The following SCN3A variants were observed in gnomAD, a reference collection of about 807,000 sequenced individuals.
The protein encoded by SCN3A is sodium voltage-gated channel alpha subunit 3, also known as sodium channel protein type 3 subunit alpha.
A neutral mutation model predicts 187.6 loss-of-function variants in SCN3A; 60 were observed. The observed-to-expected ratio is 0.32, with a 90% CI of 0.26 to 0.40. The LOEUF is 0.40. Among genes scored for constraint, SCN3A ranks in the 10% least tolerant of loss-of-function variants. SCN3A has a pLI of 1.00. For synonymous variants in SCN3A, 788 were observed against 829.2 expected (o/e 0.95, Z 0.85); for missense variants, 1,601 against 2,428.2 (o/e 0.66, Z 7.16).
Position 165,090,268 on chromosome 2 carries a change from G to C in SCN3A, c.5885C>G (p.Ser1962Cys). ...ATAGGAAGGAGGAGAGGTGGTAGAGGAACTCCCATCTGTTTTTTCTGGAGT... is the reference window on the plus strand; with the variant it reads ...ATAGGAAGGAGGAGAGGTGGTAGAGCAACTCCCATCTGTTTTTTCTGGAGT... ...NSTPEKTDGSSSTTSPPSYDS... is the reference protein window; with the variant it reads ...NSTPEKTDGSCSTTSPPSYDS... The change falls in exon 28 of 28, where the codon TCC becomes TGC. Residue 1962 changes from serine to cysteine, a missense_variant. Around this residue, in one of 11 missense-constraint regions of SCN3A, gnomAD observed 87 missense variants for 89.2 expected, o/e 0.98. Transcript: ENST00000283254. This position sits in a 1 kb window ranked among gnomAD's most constrained non-coding sequence, Gnocchi z 4.0. 1 of 1,612,278 alleles carries C rather than the reference G, an allele frequency of 6.2e-7. No homozygotes were observed. The highest frequency in any genetic ancestry group is 8.5e-7 in the Non-Finnish European group (1 of 1,178,940).
At chr2:165,145,815 G>A (rs1309095068) in intron 12 of SCN3A, among the ~76,000 whole-genome samples, 1 of 151,924 alleles carries the variant, frequency 6.6e-6, no homozygotes, top group Non-Finnish European at 1.5e-5. Flanking sequence ...ACTCAAGATT[G>A]TTATGATTAG....
chr2:165,181,781 C>T (rs1373468581), intron 2 of SCN3A, among the ~76,000 whole-genome samples: 1 of 152,192 alleles, frequency 6.6e-6, no homozygotes, highest in Non-Finnish European at 1.5e-5. Flanking sequence ...CAGCTCCTGA[C>T]TCAATCACAC....
At chr2:165,166,282 G>A (rs537450196) in intron 5 of SCN3A, among the ~76,000 whole-genome samples, 1 of 152,304 alleles carries the variant, frequency 6.6e-6, no homozygotes, top group East Asian at 1.9e-4. Context: ...TACTGAGACA[G>A]AGCTCTACAC....
chr2:165,110,656 G>A (rs1286723428), intron 21 of SCN3A, among the ~76,000 whole-genome samples: 1 of 152,116 alleles, frequency 6.6e-6, no homozygotes, highest in African/African-American at 2.4e-5. Context: ...CTGAGGACAA[G>A]CTGTTATCTG....
chr2:165,148,245 C>T (rs1030094733), intron 11 of SCN3A, among the ~76,000 whole-genome samples: 55 of 151,608 alleles, frequency 3.6e-4, no homozygotes, highest in African/African-American at 1.3e-3. Context: ...TTAACCTTGA[C>T]TTTGATGCTT....
chr2:165,110,379 G>A (rs985267069), intron 21 of SCN3A, among the ~76,000 whole-genome samples: 2 of 152,184 alleles, frequency 1.3e-5, no homozygotes, highest in South Asian at 4.1e-4. Flanking sequence ...TTTAGACAGA[G>A]AATTGAAGAG....
intron 18 of SCN3A, among the ~76,000 whole-genome samples, chr2:165,120,038 C>T (rs1049265230): frequency 3.9e-5 from 6 of 152,070 alleles, no homozygotes; most frequent in African/African-American, 9.7e-5. Context: ...CTTGTAGAAA[C>T]GAGTGGGTCT....
At chr2:165,178,729 T>C (rs965806432) in intron 2 of SCN3A, among the ~76,000 whole-genome samples, 17 of 152,316 alleles carry the variant, frequency 1.1e-4, no homozygotes, top group Non-Finnish European at 4.4e-5. Flanking sequence ...CAGCACATTT[T>C]TTTTTCTCCA....
At chr2:165,178,058 C>T (rs1267247313) in intron 2 of SCN3A, among the ~76,000 whole-genome samples, 1 of 152,020 alleles carries the variant, frequency 6.6e-6, no homozygotes, top group African/African-American at 2.4e-5. Context: ...TGGCAGCTCA[C>T]TACATATATT....
At position 165,090,629 on chromosome 2, in the gene SCN3A, C is replaced by T; in HGVS notation, c.5524G>A (p.Val1842Ile). ...AGACAGTGGATCCGGTCACCACTGA[C>T]CATGGGCAGATCCATGGCAATAAGC... ...VQLIAMDLPM[V>I]SGDRIHCLDI... The change falls in exon 28 of 28, where the codon GTC becomes ATC. Residue 1842 changes from valine (V) to isoleucine (I), a missense_variant. By Grantham distance (29) the Val-to-Ile change is conservative (BLOSUM62 3). This residue lies in a region of SCN3A where 110 missense variants were observed against 175.9 expected (regional missense o/e 0.63). Transcript: ENST00000283254. The surrounding 1 kb of genome is among the most constrained non-coding windows in gnomAD (Gnocchi z 4.0). The T allele has an allele frequency of 6.2e-7, 1 of 1,614,090 alleles. No individual in the cohort carries two copies. The highest frequency in any genetic ancestry group is 8.5e-7 in the Non-Finnish European group (1 of 1,180,010).
intron 15 of SCN3A, among the ~76,000 whole-genome samples, chr2:165,136,498 T>G (rs1444589530): frequency 6.6e-6 from 1 of 152,182 alleles, no homozygotes; most frequent in Non-Finnish European, 1.5e-5. Flanking sequence ...ACGAAGGGTA[T>G]TATTACACTC....
chr2:165,092,320 T>C lies in SCN3A; in HGVS notation c.4741A>G (p.Arg1581Gly), dbSNP rs1383756826. Residue 1581 changes from arginine (R) to glycine (G), a missense_variant, in exon 27 of 28, where the codon AGA becomes GGA. Physicochemically the swap from Arg to Gly is moderately radical, Grantham distance 125. Coordinates refer to ENST00000283254, the MANE Select transcript of SCN3A (RefSeq NM_006922.4). This position sits in a 1 kb window ranked among gnomAD's most constrained non-coding sequence, Gnocchi z 4.2. ...GEFVLKLVSL[R>G]HYYFTIGWNI... ...CAGCCTATAGTGAAGTAGTAGTGTC[T>C]GAGGGAGACGAGCTTCAGCACAAAT... The C allele has an allele frequency of 6.2e-7, 1 of 1,613,988 alleles. No individual in the cohort carries two copies. The highest frequency in any genetic ancestry group is 1.1e-5 in the South Asian group (1 of 91,076).
At chr2:165,101,611 A>T (rs1553518753) in intron 21 of SCN3A, among the ~76,000 whole-genome samples, 2 of 152,192 alleles carry the variant, frequency 1.3e-5, no homozygotes, top group Non-Finnish European at 2.9e-5. Flanking sequence ...CCATCTTCTC[A>T]GTTCTTTCAA....
intron 19 of SCN3A, among the ~76,000 whole-genome samples, chr2:165,114,354 C>T (rs1032095361): frequency 2.0e-5 from 3 of 152,158 alleles, no homozygotes; most frequent in Admixed American, 6.6e-5. Context: ...GTTTTTAATT[C>T]TTTTCATGCA....
At chr2:165,146,243 A>G (rs1381406824) in intron 12 of SCN3A, among the ~76,000 whole-genome samples, 1 of 152,004 alleles carries the variant, frequency 6.6e-6, no homozygotes, top group Non-Finnish European at 1.5e-5. Flanking sequence ...GTATGTTACG[A>G]TCACAACTTT....
rs954449352 is a variant in SCN3A at position 165,141,082 on chromosome 2, C to T, written c.1672-84G>A. ...TTAATAAATATTAATATTAAAGGATCTGTTTTCTTTGGAGTTAGTATACTC... is the reference window on the plus strand; with the variant it reads ...TTAATAAATATTAATATTAAAGGATTTGTTTTCTTTGGAGTTAGTATACTC... On this transcript the variant is annotated intron_variant, in intron 12 of 27. Transcript: ENST00000283254. 2.0e-5 allele frequency: 17 copies of T among 870,954 alleles called. No individual in the cohort carries two copies. The East Asian group carries it at 4.6e-4, about 23-fold the overall frequency. 54.0% of individuals were successfully genotyped at this position (870,954 alleles called of 1,614,324 possible).
chr2:165,142,327 A>T (rs565450913), intron 12 of SCN3A, among the ~76,000 whole-genome samples: 1 of 152,196 alleles, frequency 6.6e-6, no homozygotes, highest in South Asian at 2.1e-4. Context: ...GGTCATGCTG[A>T]TTTTCTTAGG....
intron 12 of SCN3A, among the ~76,000 whole-genome samples, chr2:165,146,219 T>C (rs74897259): frequency 0.03 from 4,566 of 152,052 alleles, 104 homozygotes; most frequent in Middle Eastern, 0.072. Context: ...AACACTTCTT[T>C]TCAAAATTTA....
At chr2:165,187,647 T>C (rs1176948974) in intron 1 of SCN3A, among the ~76,000 whole-genome samples, 1 of 152,172 alleles carries the variant, frequency 6.6e-6, no homozygotes, top group Non-Finnish European at 1.5e-5. Flanking sequence ...CTCTATTCTG[T>C]TACCGGAGTG....
Sources: allele counts gnomAD v4.1 joint callset (sites outside exome capture counted in the v4.1 genomes callset), GRCh38; gene constraint gnomAD v4.1.1; regional missense constraint gnomAD v4.1.1; non-coding constraint Gnocchi (gnomAD v3.1); transcripts MANE v1.5; gene names NCBI Gene and HGNC (gene_info 2026-07-23, HGNC 2026-07-21).